The following CHST8 variants were observed in gnomAD, a reference collection of about 807,000 sequenced individuals.
CHST8 encodes carbohydrate sulfotransferase 8.
CHST8 carries 10 observed loss-of-function variants against 15.0 expected under a neutral mutation model. The observed-to-expected ratio is 0.67, with a 90% CI of 0.41 to 1.13. The LOEUF (loss-of-function observed/expected upper bound fraction) is 1.13, where lower values mean the gene tolerates loss of function less well. Among genes scored for constraint, CHST8 ranks in the 50% most tolerant of loss-of-function variants. The probability of loss-of-function intolerance (pLI) is 0.00; values close to 1 mark genes in which losing one functional copy is unlikely to be tolerated. For missense variants in CHST8, 634 were observed against 608.2 expected, an observed-to-expected ratio of 1.04 and a Z score of -0.45; for synonymous variants, 259 against 256.6, an observed-to-expected ratio of 1.01 and a Z score of -0.09.
At position 33,773,184 on chromosome 19, in the gene CHST8, C is replaced by T; in HGVS notation, c.*121C>T. On this transcript the variant is annotated 3_prime_UTR_variant, in exon 5 of 5. Transcript: ENST00000650847. Reference sequence around the variant, plus strand: ...GGGCTCTGAGGACGTGAGGAGCCATCGCTGTGGGAGGCAGCAGGCCCCGGG... The same window carrying T: ...GGGCTCTGAGGACGTGAGGAGCCATTGCTGTGGGAGGCAGCAGGCCCCGGG... 1.7e-6 allele frequency: 2 copies of T among 1,198,610 alleles called. No homozygotes were observed. Among genetic ancestry groups the T allele is most frequent in the African/African-American group, 3.1e-5 (2 of 65,114 alleles). The allele number at this position is 1,198,610 out of a possible 1,614,324, so 74.2% of individuals were successfully genotyped here.
chr19:33,660,810 C>T (rs1239044744), intron 1 of CHST8, among the ~76,000 whole-genome samples: 1 of 152,220 alleles, frequency 6.6e-6, no homozygotes, highest in Non-Finnish European at 1.5e-5. Flanking sequence ...CTTGGGTGCA[C>T]TGCCTGTGAG....
At chr19:33,721,784 G>A (rs952603694) in intron 3 of CHST8, among the ~76,000 whole-genome samples, 1 of 151,828 alleles carries the variant, frequency 6.6e-6, no homozygotes, top group Non-Finnish European at 1.5e-5. Flanking sequence ...GTAGGTGAGT[G>A]GGCAAATGGA....
intron 4 of CHST8, among the ~76,000 whole-genome samples, chr19:33,771,663 GGCCGTAAATCTGA>G (rs1208978240): frequency 6.6e-6 from 1 of 152,178 alleles, no homozygotes; most frequent in Non-Finnish European, 1.5e-5. Flanking sequence ...TGCTAATAGA[GGCCGTAAATCTGA>G]GCCCGCCTGC....
chr19:33,752,541 A>G (rs1974441534), intron 3 of CHST8, among the ~76,000 whole-genome samples: 1 of 152,186 alleles, frequency 6.6e-6, no homozygotes, highest in Admixed American at 6.5e-5. Context: ...GGAGCATGGC[A>G]GAGCCCAGAC....
chr19:33,721,789 A>C (rs1973796301), intron 3 of CHST8, among the ~76,000 whole-genome samples: 1 of 149,886 alleles, frequency 6.7e-6, no homozygotes, highest in African/African-American at 2.5e-5. Context: ...TGAGTGGGCA[A>C]ATGGAAGTAT....
chr19:33,768,845 A>G (rs1297350285), intron 3 of CHST8, among the ~76,000 whole-genome samples: 1 of 152,180 alleles, frequency 6.6e-6, no homozygotes, highest in Non-Finnish European at 1.5e-5. Flanking sequence ...GGAATAGCTT[A>G]TGGCAAACTC....
intron 1 of CHST8, among the ~76,000 whole-genome samples, chr19:33,647,323 A>G (rs1346905744): frequency 6.6e-6 from 1 of 152,286 alleles, no homozygotes; most frequent in Admixed American, 6.5e-5. Flanking sequence ...CCAAGTGAGG[A>G]AAGTGCACCA....
chr19:33,691,548 G>A (rs939281627), intron 3 of CHST8, among the ~76,000 whole-genome samples: 5 of 151,928 alleles, frequency 3.3e-5, no homozygotes, highest in African/African-American at 4.8e-5. Flanking sequence ...ATTGTGATTC[G>A]GTACCAAGAA....
chr19:33,645,392 T>A (rs1972339867), intron 1 of CHST8, among the ~76,000 whole-genome samples: 1 of 152,112 alleles, frequency 6.6e-6, no homozygotes, highest in Non-Finnish European at 1.5e-5. Flanking sequence ...GTTGCTGCCA[T>A]GGTAAGGGGC....
At chr19:33,717,760 G>C (rs966984302) in intron 3 of CHST8, among the ~76,000 whole-genome samples, 1 of 152,180 alleles carries the variant, frequency 6.6e-6, no homozygotes, top group African/African-American at 2.4e-5. Context: ...GTTGGGCCCA[G>C]TTGGTCTTAG....
At chr19:33,737,286 C>T (rs1234581368) in intron 3 of CHST8, among the ~76,000 whole-genome samples, 1 of 152,212 alleles carries the variant, frequency 6.6e-6, no homozygotes, top group Non-Finnish European at 1.5e-5. Flanking sequence ...TCTGTCAGCT[C>T]ACTCTTGAAT....
intron 3 of CHST8, among the ~76,000 whole-genome samples, chr19:33,691,077 A>T (rs1229559103): frequency 1.3e-5 from 2 of 152,108 alleles, no homozygotes; most frequent in Admixed American, 6.5e-5. Flanking sequence ...CCTGGATGGG[A>T]CTGTGGTTTG....
chr19:33,772,931 G>C lies in CHST8; in HGVS notation c.1143G>C (p.Ala381=). 2 of 1,613,416 alleles carry C rather than the reference G, an allele frequency of 1.2e-6. No homozygotes were observed. The highest frequency in any genetic ancestry group is 1.7e-6 in the Non-Finnish European group (2 of 1,180,034). ...TCAAGGACCGGCACTCGCAGGAGGC[G>C]CGGACCACAGCGAGGATCGCCCACC... ...PRFKDRHSQE[A]RTTARIAHQY... The change falls in exon 5 of 5, where the codon GCG becomes GCC. Residue 381 remains alanine (A), a synonymous_variant. Coordinates refer to ENST00000650847, the MANE Select transcript of CHST8 (RefSeq NM_001127895.2).
At chr19:33,760,095 C>A (rs1974685350) in intron 3 of CHST8, among the ~76,000 whole-genome samples, 1 of 152,122 alleles carries the variant, frequency 6.6e-6, no homozygotes, top group South Asian at 2.1e-4. Context: ...ACAGCAATCC[C>A]CTGACCAACC....
intron 3 of CHST8, among the ~76,000 whole-genome samples, chr19:33,732,440 C>A (rs1974012955): frequency 6.6e-6 from 1 of 151,808 alleles, no homozygotes; most frequent in Admixed American, 6.6e-5. Context: ...CCCCAGGCCA[C>A]CTGCACCGCT....
chr19:33,624,768 G>A (rs1972030088), intron 1 of CHST8, among the ~76,000 whole-genome samples: 1 of 152,222 alleles, frequency 6.6e-6, no homozygotes, highest in South Asian at 2.1e-4. Flanking sequence ...TGGTTTTGCT[G>A]ATGGAAGAGA....
At chr19:33,664,320 A>G (rs1346598800) in intron 1 of CHST8, among the ~76,000 whole-genome samples, 1 of 151,850 alleles carries the variant, frequency 6.6e-6, no homozygotes, top group Non-Finnish European at 1.5e-5. Context: ...GTTTTAGAGT[A>G]CATGTGCACA....
chr19:33,752,930 T>A (rs1008586314), intron 3 of CHST8, among the ~76,000 whole-genome samples: 3 of 152,184 alleles, frequency 2.0e-5, no homozygotes, highest in Admixed American at 2.0e-4. Context: ...AAACAACAAT[T>A]TTTTTGCCCT....
At chr19:33,766,135 CCTCT>C (rs960577891) in intron 3 of CHST8, among the ~76,000 whole-genome samples, 1 of 151,586 alleles carries the variant, frequency 6.6e-6, no homozygotes, top group Non-Finnish European at 1.5e-5. Flanking sequence ...CTCGCTCTCT[CCTCT>C]CTCTCTCTTC....
Sources: gnomAD v4.1 joint callset for allele counts (sites outside exome capture counted in the v4.1 genomes callset) on GRCh38, gnomAD v4.1.1 for gene constraint, MANE v1.5 for transcripts, NCBI Gene and HGNC (gene_info 2026-07-23, HGNC 2026-07-21) for gene names.